ANKRD11: variants seen among roughly 807,000 people sequenced by gnomAD.
The protein encoded by ANKRD11 is ankyrin repeat domain 11, also known as ankyrin repeat domain-containing protein 11.
ANKRD11 carries 17 observed loss-of-function variants against 195.7 expected under a neutral mutation model. That is an observed-to-expected ratio of 0.09 (90% CI 0.06 to 0.13). The LOEUF is 0.13. Among genes scored for constraint, ANKRD11 ranks in the 10% least tolerant of loss-of-function variants. The pLI is 1.00. For synonymous variants in ANKRD11, 1,953 were observed against 1,528.1 expected, an observed-to-expected ratio of 1.28 and a Z score of -6.49; for missense variants, 3,735 against 3,566.1, an observed-to-expected ratio of 1.05 and a Z score of -1.21.
In ANKRD11 at chr16:89,483,166, T is replaced by G. The variant is rs188675889; in HGVS notation, c.-145+7079A>C. Among the ~76,000 whole-genome samples the G allele has an allele frequency of 3.7e-3, 566 of 152,294 alleles. 1 individual carries two copies. Among genetic ancestry groups the G allele is most frequent in the African/African-American group, 0.013 (534 of 41,564 alleles). ...TCACTCATCCCCCTGAACCAATATA[T>G]TTATGGGCTTAGAAGAAAGCTATTA... is the stretch of plus-strand genomic sequence containing the variant. On this transcript the variant is annotated intron_variant, in intron 1 of 12. Coordinates refer to ENST00000301030, the MANE Select transcript of ANKRD11 (RefSeq NM_013275.6).
At chr16:89,462,376 T>C (rs1357232211) in intron 1 of ANKRD11, among the ~76,000 whole-genome samples, 12 of 152,212 alleles carry the variant, frequency 7.9e-5, no homozygotes, top group Non-Finnish European at 1.5e-4. Context: ...CAGTGCTCAA[T>C]GGTGCCCAGG....
intron 2 of ANKRD11, among the ~76,000 whole-genome samples, chr16:89,328,646 GA>G (rs1285891857): frequency 1.0e-3 from 149 of 146,418 alleles, no homozygotes; most frequent in Middle Eastern, 3.6e-3. Flanking sequence ...GAGCACGGGC[GA>G]AATCAGCGGA....
chr16:89,378,199 G>A lies in ANKRD11; in HGVS notation c.-60+40085C>T, dbSNP rs181229563. Among the ~76,000 whole-genome samples, 580 of 152,090 alleles carry A rather than the reference G, an allele frequency of 3.8e-3. 2 individuals are homozygous for A. Among genetic ancestry groups the A allele is most frequent in the African/African-American group, 0.013 (560 of 41,492 alleles). Reference sequence around the variant, plus strand: ...CGAGACTCTGTCTCTTTAAGAAGCGGGAAAAAAAGTGCTTTGTATATGTCA... The same window carrying A: ...CGAGACTCTGTCTCTTTAAGAAGCGAGAAAAAAAGTGCTTTGTATATGTCA... On this transcript the variant is annotated intron_variant, in intron 2 of 12. Coordinates refer to ENST00000301030, the MANE Select transcript of ANKRD11 (RefSeq NM_013275.6).
intron 1 of ANKRD11, among the ~76,000 whole-genome samples, chr16:89,461,013 T>C (rs1262090062): frequency 9.4e-6 from 1 of 106,762 alleles, no homozygotes; most frequent in Non-Finnish European, 1.7e-5. Flanking sequence ...GTGACATTCA[T>C]AACAGAAGAA....
chr16:89,465,249 A>T (rs770847641), intron 1 of ANKRD11, among the ~76,000 whole-genome samples: 9 of 152,264 alleles, frequency 5.9e-5, no homozygotes, highest in Non-Finnish European at 8.8e-5. Context: ...ATATTAAAAG[A>T]GCTTCAAGAT....
At chr16:89,297,814 T>C (rs1433663384) in intron 4 of ANKRD11, 1 of 152,268 alleles carries the variant, frequency 6.6e-6, no homozygotes, top group Non-Finnish European at 1.5e-5. Flanking sequence ...TTCTGTCAGT[T>C]ACCGTCATTG....
intron 2 of ANKRD11, among the ~76,000 whole-genome samples, chr16:89,347,501 C>T (rs2038998900): frequency 2.6e-5 from 4 of 151,484 alleles, no homozygotes; most frequent in Non-Finnish European, 5.9e-5. Context: ...GTCCCAGCTA[C>T]TAGGGAGGCT....
intron 3 of ANKRD11, among the ~76,000 whole-genome samples, chr16:89,307,856 C>T (rs1443567743): frequency 3.3e-5 from 5 of 152,278 alleles, no homozygotes; most frequent in African/African-American, 7.2e-5. Context: ...GTGGGTTCCA[C>T]CAGACATCTG....
At chr16:89,350,266 T>G (rs2039148112) in intron 2 of ANKRD11, among the ~76,000 whole-genome samples, 1 of 151,544 alleles carries the variant, frequency 6.6e-6, no homozygotes, top group Admixed American at 6.6e-5. Flanking sequence ...TGGAAAAGAG[T>G]CTGGCAGGTT....
chr16:89,317,682 G>A (rs147059371), intron 2 of ANKRD11, among the ~76,000 whole-genome samples: 1,577 of 152,264 alleles, frequency 0.01, 32 homozygotes, highest in African/African-American at 0.036. Context: ...GGAAGCAGAC[G>A]CCCCCTCGGG....
rs957598792 is a variant in ANKRD11, at chr16:89,279,482, G to A, written c.7060C>T (p.Pro2354Ser). ...LANQSKQGPP[P>S]SEKECAPTPA... Reference sequence around the variant, plus strand: ...GTGGGGGCGCACTCCTTCTCGGAGGGGGGCGGGCCCTGCTTGCTCTGGTTC... The same window carrying A: ...GTGGGGGCGCACTCCTTCTCGGAGGAGGGCGGGCCCTGCTTGCTCTGGTTC... Residue 2354 changes from proline (P) to serine (S), a missense_variant, in exon 9 of 13, where the codon CCC (proline) becomes TCC (serine). Pro to Ser is a moderately conservative substitution (Grantham distance 74). Transcript: ENST00000301030. The surrounding 1 kb of genome is among the most constrained non-coding windows in gnomAD (Gnocchi z 5.6). The A allele has an allele frequency of 1.0e-5, 14 of 1,368,900 alleles. No homozygotes were observed. Among genetic ancestry groups the A allele is most frequent in the Non-Finnish European group, 1.4e-5 (14 of 1,006,080 alleles). 84.8% of individuals were successfully genotyped at this position (1,368,900 alleles called of 1,614,324 possible). A position where few individuals can be genotyped will look rare whatever the true frequency, so the allele number is the denominator to read the frequency against.
intron 1 of ANKRD11, among the ~76,000 whole-genome samples, chr16:89,458,419 T>C (rs1318390150): frequency 1.3e-5 from 2 of 152,084 alleles, no homozygotes; most frequent in Admixed American, 6.5e-5. Flanking sequence ...AGAGACGGGG[T>C]TTCACCATGT....
At chr16:89,401,107 C>T (rs2041666226) in intron 2 of ANKRD11, among the ~76,000 whole-genome samples, 1 of 150,368 alleles carries the variant, frequency 6.7e-6, no homozygotes, top group Non-Finnish European at 1.5e-5. Flanking sequence ...CGCCCTCCCC[C>T]TCCCCAGAGG....
chr16:89,452,903 C>T (rs1253178539), intron 1 of ANKRD11, among the ~76,000 whole-genome samples: 1 of 152,044 alleles, frequency 6.6e-6, no homozygotes, highest in Admixed American at 6.6e-5. Context: ...CTGCACACGC[C>T]CGCTTTTTCA....
At chr16:89,375,768 TA>T (rs36033030) in intron 2 of ANKRD11, among the ~76,000 whole-genome samples, 71,354 of 84,530 alleles carry the variant, frequency 0.84, 30,447 homozygotes, top group East Asian at 0.95. Context: ...CTCCGTCTCT[TA>T]AAAAAAAAAA....
chr16:89,340,009 A>G (rs1269053401), intron 2 of ANKRD11: 2 of 152,156 alleles, frequency 1.3e-5, no homozygotes, highest in African/African-American at 4.8e-5. Flanking sequence ...TTCTTATGAC[A>G]ACTGCAGTGT....
At chr16:89,306,739 C>T (rs1428929073) in intron 3 of ANKRD11, among the ~76,000 whole-genome samples, 1 of 20,862 alleles carries the variant, frequency 4.8e-5, no homozygotes, top group African/African-American at 4.3e-4. Context: ...CCACCTCCCA[C>T]TCCGCAGACA....
At position 89,349,861 on chromosome 16, in the gene ANKRD11, AACACACACACACAC is replaced by A. The variant is rs34592614; in HGVS notation, c.-59-32797_-59-32784del. ...AAAATACAGGCCAAATACTTGTTAA[AACACACACACACAC>A]ACACACACACACACACACACACACA... On this transcript the variant is annotated intron_variant, in intron 2 of 12. Coordinates refer to ENST00000301030, the MANE Select transcript of ANKRD11 (RefSeq NM_013275.6). Among the ~76,000 whole-genome samples the A allele has an allele frequency of 1.8e-3, 238 of 133,242 alleles. 1 individual carries two copies. The highest frequency in any genetic ancestry group is 3.4e-3 in the East Asian group (16 of 4,656). The allele number at this position is 133,242 out of a possible 152,430, so 87.4% of individuals were successfully genotyped here.
chr16:89,279,917 C>CT lies in ANKRD11; in HGVS notation c.6624dup (p.Gly2209ArgfsTer51). 1 of 1,609,852 alleles carries CT rather than the reference C, an allele frequency of 6.2e-7. No homozygotes were observed. Among genetic ancestry groups the CT allele is most frequent in the Non-Finnish European group, 8.5e-7 (1 of 1,179,624 alleles). On this transcript the variant is annotated frameshift_variant, in exon 9 of 13. Transcript: ENST00000301030. LOFTEE classifies it high-confidence loss of function. This position sits in a 1 kb window ranked among gnomAD's most constrained non-coding sequence, Gnocchi z 5.6. ...AGAGCCACGTCCAGCTTTGGCTCCC[C>CT]TGAGGGCTCAGGCTCGAGCTCTGCA...
Sources: allele counts gnomAD v4.1 joint callset (sites outside exome capture counted in the v4.1 genomes callset), GRCh38; gene constraint gnomAD v4.1.1; non-coding constraint Gnocchi (gnomAD v3.1); transcripts MANE v1.5; gene names NCBI Gene and HGNC (gene_info 2026-07-23, HGNC 2026-07-21).